The following SNHG17 variants were observed in gnomAD, a reference collection of about 807,000 sequenced individuals.
SNHG17 encodes the protein small nucleolar RNA host gene 17 (non-protein coding).
At position 38,421,009 on chromosome 20, in the gene SNHG17, G is replaced by A. The variant is rs555816608; in HGVS notation, n.824C>T. The A allele has an allele frequency of 3.3e-5, 5 of 152,316 alleles. No homozygotes were observed. In the East Asian group the frequency reaches 5.8e-4, roughly 18 times the overall value. 9.4% of individuals were successfully genotyped at this position (152,316 alleles called of 1,614,324 possible). ...CTGGCTCTTGGCATCAACTCACCAC[G>A]GTGAGAAATATCAGCAAACCCAGAT... On this transcript the variant is annotated non_coding_transcript_exon_variant, in exon 7 of 9. Coordinates refer to ENST00000654008, the Ensembl canonical transcript of SNHG17.
intron 3 of SNHG17, chr20:38,428,524 A>G (rs2084286289): frequency 1.3e-5 from 2 of 152,278 alleles, no homozygotes; most frequent in African/African-American, 4.8e-5. Flanking sequence ...AGTGTTGCAT[A>G]GATGCTGACT....
intron 5 of SNHG17, among the ~76,000 whole-genome samples, chr20:38,424,152 A>C (rs539960300): frequency 2.0e-3 from 309 of 151,378 alleles, no homozygotes; most frequent in Middle Eastern, 0.02. Flanking sequence ...CCTGGGCAAC[A>C]GAGCAAGACT....
intron 2 of SNHG17, among the ~76,000 whole-genome samples, chr20:38,432,516 A>G (rs2084356310): frequency 6.6e-6 from 1 of 152,146 alleles, no homozygotes; most frequent in Admixed American, 6.5e-5. Context: ...TGACATCACA[A>G]TGACAATCCT....
intron 3 of SNHG17, among the ~76,000 whole-genome samples, chr20:38,430,207 G>C (rs1469324515): frequency 1.3e-5 from 2 of 152,196 alleles, no homozygotes; most frequent in Non-Finnish European, 2.9e-5. Flanking sequence ...TGTAATCCCA[G>C]CTACTCGGGA....
At chr20:38,429,896 GA>G (rs1345278816) in intron 3 of SNHG17, 1 of 470,196 alleles carries the variant, frequency 2.1e-6, no homozygotes, top group African/African-American at 2.1e-5. Flanking sequence ...ACAGGGCAAT[GA>G]GCAGACTTAC....
intron 3 of SNHG17, chr20:38,428,069 C>T (rs2084279712): frequency 6.6e-6 from 1 of 152,218 alleles, no homozygotes; most frequent in Admixed American, 6.5e-5. Context: ...CCAGACTCAA[C>T]CTGCATCTTT....
chr20:38,421,189 C>G (rs2084151304), intron 6 of SNHG17: 1 of 152,278 alleles, frequency 6.6e-6, no homozygotes, highest in African/African-American at 2.4e-5. Context: ...CCCATTCAAG[C>G]AGGGCGAAGC....
intron 7 of SNHG17, chr20:38,420,926 G>A (rs2084147822): frequency 6.6e-6 from 1 of 152,118 alleles, no homozygotes; most frequent in African/African-American, 2.4e-5. Flanking sequence ...AGTGAGACCA[G>A]TGATTTGAGG....
At chr20:38,434,790 G>A (rs989432483) in intron 1 of SNHG17, 1 of 948,932 alleles carries the variant, frequency 1.1e-6, no homozygotes, top group African/African-American at 1.8e-5. Context: ...TTATTGAGGG[G>A]AAAACGAGTT....
exon 8 of SNHG17, chr20:38,420,739 G>C (rs934960219): frequency 5.3e-5 from 8 of 152,232 alleles, no homozygotes; most frequent in African/African-American, 1.9e-4. Context: ...CTCTGAGGCA[G>C]CTGAAGTCTC....
In SNHG17 at chr20:38,429,780, T is replaced by C; in HGVS notation, n.380+1261A>G. ...TACCAATGACCAGGGCACGGGCAGC[T>C]CATGATCACTTTCGAATGCAGGGGC... is the stretch of plus-strand genomic sequence containing the variant. On this transcript the variant is annotated intron_variant and non_coding_transcript_variant, in intron 3 of 8. Coordinates refer to ENST00000654008, the Ensembl canonical transcript of SNHG17. The C allele has an allele frequency of 5.8e-6, 3 of 517,486 alleles. 1 individual carries two copies. Among genetic ancestry groups the C allele is most frequent in the South Asian group, 4.2e-5 (3 of 71,370 alleles). The allele number at this position is 517,486 out of a possible 1,614,324, so 32.1% of individuals were successfully genotyped here. A position where few individuals can be genotyped will look rare whatever the true frequency, so the allele number is the denominator to read the frequency against.
intron 2 of SNHG17, among the ~76,000 whole-genome samples, chr20:38,431,598 G>A (rs867983395): frequency 1.3e-5 from 2 of 152,218 alleles, no homozygotes; most frequent in Admixed American, 6.5e-5. Flanking sequence ...TTCTTCGGAC[G>A]TGGAAGATAG....
intron 5 of SNHG17, chr20:38,424,945 C>T (rs778500900): frequency 4.0e-6 from 1 of 250,226 alleles, no homozygotes; most frequent in Middle Eastern, 1.6e-3. Context: ...TGAGGGTTGC[C>T]ATGTGGAGGT....
chr20:38,434,007 G>T, intron 2 of SNHG17: 1 of 518,794 alleles, frequency 1.9e-6, no homozygotes, highest in Non-Finnish European at 3.8e-6. Context: ...GTGCAAAAAA[G>T]GGCAGGTGAG....
chr20:38,434,754 A>G, intron 1 of SNHG17: 1 of 762,276 alleles, frequency 1.3e-6, no homozygotes, highest in Non-Finnish European at 1.6e-6. Flanking sequence ...CTGTAAAATG[A>G]AGGTTCTAAC....
At chr20:38,431,240 T>A (rs187786960) in intron 2 of SNHG17, 1 of 152,384 alleles carries the variant, frequency 6.6e-6, no homozygotes, top group African/African-American at 2.4e-5. Flanking sequence ...GTGAATGTAC[T>A]GACAGCTTGT....
chr20:38,433,258 G>A (rs1342101996), intron 2 of SNHG17, among the ~76,000 whole-genome samples: 1 of 152,180 alleles, frequency 6.6e-6, no homozygotes, highest in Non-Finnish European at 1.5e-5. Context: ...TTACAGGTGT[G>A]AGCCATTGCA....
chr20:38,425,385 A>G (rs1454435178), intron 5 of SNHG17: 6 of 501,304 alleles, frequency 1.2e-5, no homozygotes, highest in Non-Finnish European at 2.4e-5. Flanking sequence ...GCAGCTTAGG[A>G]AGGGCCCAAA....
chr20:38,431,987 G>C, intron 2 of SNHG17: 1 of 985,392 alleles, frequency 1.0e-6, no homozygotes. Context: ...ATCTCCAGAG[G>C]ACAGACCTCA....
Sources: gnomAD v4.1 joint callset for allele counts (sites outside exome capture counted in the v4.1 genomes callset) on GRCh38, gnomAD v4.1.1 for gene constraint, MANE v1.5 for transcripts, NCBI Gene and HGNC (gene_info 2026-07-23, HGNC 2026-07-21) for gene names.